Variants in KRT80 observed in about 807,000 individuals in gnomAD.
KRT80 encodes keratin, type II cytoskeletal 80.
A neutral mutation model predicts 51.5 loss-of-function variants in KRT80; 36 were observed. The observed-to-expected ratio is 0.70, with a 90% CI of 0.54 to 0.92. KRT80 has a LOEUF of 0.92. Ranked by LOEUF, KRT80 falls within the 40% of genes least tolerant of loss-of-function variation. The probability of loss-of-function intolerance (pLI) is 0.00; values close to 1 mark genes in which losing one functional copy is unlikely to be tolerated. For synonymous variants in KRT80, 235 were observed against 248.3 expected (o/e 0.95, Z 0.50); for missense variants, 566 against 591.7 (o/e 0.96, Z 0.45).
chr12:52,184,016 C>T (rs1324817510), intron 2 of KRT80, among the ~76,000 whole-genome samples: 5 of 89,738 alleles, frequency 5.6e-5, no homozygotes, highest in South Asian at 5.0e-4. Context: ...TCCGGAGGGG[C>T]GGTCAGATGC....
intron 4 of KRT80, among the ~76,000 whole-genome samples, chr12:52,179,735 G>T (rs956511697): frequency 1.3e-5 from 2 of 152,274 alleles, no homozygotes; most frequent in Admixed American, 1.3e-4. Context: ...GCAGTGTGCA[G>T]CACTTAGGCG....
rs1179768701 is a variant in KRT80, at chr12:52,170,984, C to A, written c.*414G>T. ...GGATGAGCCAGTCCCAGTCCCAGTT[C>A]CGAGGCAGAGACAAGGCAAGGCTTG... On this transcript the variant is annotated 3_prime_UTR_variant, in exon 9 of 9. Coordinates refer to ENST00000394815, the MANE Select transcript of KRT80 (RefSeq NM_182507.3). The A allele has an allele frequency of 6.0e-6, 1 of 165,654 alleles. No homozygotes were observed. The highest frequency in any genetic ancestry group is 1.3e-5 in the Non-Finnish European group (1 of 75,596). The allele number at this position is 165,654 out of a possible 1,614,324, so 10.3% of individuals were successfully genotyped here. A position where few individuals can be genotyped will look rare whatever the true frequency, so the allele number is the denominator to read the frequency against.
intron 1 of KRT80, 162 bp from the exon 2 acceptor site, chr12:52,185,749 T>C: frequency 7.0e-7 from 1 of 1,423,396 alleles, no homozygotes; most frequent in Non-Finnish European, 9.4e-7. Flanking sequence ...CTCCAATGAC[T>C]GATTGTTAAA....
At chr12:52,184,407 C>T (rs960388626) in intron 2 of KRT80, among the ~76,000 whole-genome samples, 5 of 152,182 alleles carry the variant, frequency 3.3e-5, no homozygotes, top group African/African-American at 9.7e-5. Flanking sequence ...CTAAGCAGCC[C>T]GAGTGACCAG....
chr12:52,175,657 G>T (rs540769995), intron 4 of KRT80, among the ~76,000 whole-genome samples: 1 of 152,214 alleles, frequency 6.6e-6, no homozygotes, highest in African/African-American at 2.4e-5. Flanking sequence ...AGCCCCTCTG[G>T]GGGACAGCCT....
chr12:52,180,858 A>C (rs750455080), intron 3 of KRT80, 45 bp downstream of exon 3: 2 of 1,610,198 alleles, frequency 1.2e-6, no homozygotes, highest in African/African-American at 2.7e-5. Flanking sequence ...AAGAGGGCCC[A>C]GGGCCCATGA....
chr12:52,171,395 G>A lies in KRT80; in HGVS notation c.*3C>T, dbSNP rs201045264. ...GCCCTGGGGTTCCTGGGGTCCAGCC[G>A]CCTTACTCTGAGACCTCCGACTCCT... On this transcript the variant is annotated 3_prime_UTR_variant, in exon 9 of 9. Coordinates refer to ENST00000394815, the MANE Select transcript of KRT80 (RefSeq NM_182507.3). 507 of 1,578,030 alleles carry A rather than the reference G, an allele frequency of 3.2e-4. 1 individual carries two copies. Among genetic ancestry groups the A allele is most frequent in the African/African-American group, 2.7e-3 (198 of 73,976 alleles).
Position 52,185,539 on chromosome 12 carries a change from A to C in KRT80, c.349T>G (p.Phe117Val). Residue 117 changes from phenylalanine to valine, a missense_variant, in exon 2 of 9, where the codon TTC (phenylalanine) becomes GTC (valine). Physicochemically the swap from Phe to Val is conservative, Grantham distance 50. Transcript: ENST00000394815. ...ATGGCTGAGTCCTGGCCCTGCAGGA[A>C]GCTCCAGCGTGTCTCCAGCAGCTGG... is the stretch of plus-strand genomic sequence containing the variant. Reference protein sequence around the residue: ...RNQLLETRWSFLQGQDSAIFD... With the variant: ...RNQLLETRWSVLQGQDSAIFD... 1 of 1,612,848 alleles carries C rather than the reference A, an allele frequency of 6.2e-7. No homozygotes were observed. The highest frequency in any genetic ancestry group is 1.1e-5 in the South Asian group (1 of 91,086).
Position 52,171,715 on chromosome 12 carries a change from T to C in KRT80, c.1179-2A>G. 1.8e-5 allele frequency: 2 copies of C among 113,106 alleles called. No individual in the cohort carries two copies. The highest frequency in any genetic ancestry group is 3.8e-4 in the East Asian group (1 of 2,620). 7.0% of individuals were successfully genotyped at this position (113,106 alleles called of 1,614,324 possible). ...ACAGTGGCTGAGGGCGAGTCCATCC[T>C]GGGGGTGGGGGACGGGGGGGTGGGA... On this transcript the variant is annotated splice_acceptor_variant, in intron 7 of 8. Coordinates refer to ENST00000394815, the MANE Select transcript of KRT80 (RefSeq NM_182507.3). LOFTEE classifies it high-confidence loss of function.
chr12:52,191,974 G>A lies in KRT80; in HGVS notation c.-72C>T. ...AGCCTGGGGTTGCGTCGGGTGGCAG[G>A]CTCTGGTTGCTCTGGTCACAGCTGG... On this transcript the variant is annotated 5_prime_UTR_variant, in exon 1 of 9. Transcript: ENST00000394815. 7.7e-7 allele frequency: 1 copy of A among 1,304,346 alleles called. No homozygotes were observed. Among genetic ancestry groups the A allele is most frequent in the Non-Finnish European group, 1.0e-6 (1 of 982,252 alleles). 80.8% of individuals were successfully genotyped at this position (1,304,346 alleles called of 1,614,324 possible).
Position 52,171,317 on chromosome 12 carries a change from G to C in KRT80, c.*81C>G. The stretch of plus-strand genomic sequence containing the variant: ...TTTTGCCTCTCTTCTCAACCTAGAG[G>C]CTCCAAGCTGCTTTCTTGAGTCTAG... On this transcript the variant is annotated 3_prime_UTR_variant, in exon 9 of 9. Coordinates refer to ENST00000394815, the MANE Select transcript of KRT80 (RefSeq NM_182507.3). 5 of 1,392,418 alleles carry C rather than the reference G, an allele frequency of 3.6e-6. No homozygotes were observed. Among genetic ancestry groups the C allele is most frequent in the Non-Finnish European group, 4.9e-6 (5 of 1,022,982 alleles). 86.3% of individuals were successfully genotyped at this position (1,392,418 alleles called of 1,614,324 possible). A position where few individuals can be genotyped will look rare whatever the true frequency, so the allele number is the denominator to read the frequency against.
In KRT80 at chr12:52,191,960, G is replaced by T; in HGVS notation, c.-58C>A. The T allele has an allele frequency of 7.2e-7, 1 of 1,395,874 alleles. No homozygotes were observed. Among genetic ancestry groups the T allele is most frequent in the South Asian group, 1.5e-5 (1 of 66,376 alleles). The allele number at this position is 1,395,874 out of a possible 1,614,324, so 86.5% of individuals were successfully genotyped here. A position where few individuals can be genotyped will look rare whatever the true frequency, so the allele number is the denominator to read the frequency against. On this transcript the variant is annotated 5_prime_UTR_variant, in exon 1 of 9. Transcript: ENST00000394815. Reference sequence around the variant, plus strand: ...GGGGTGAGCGAGTGAGCCTGGGGTTGCGTCGGGTGGCAGGCTCTGGTTGCT... The same window carrying T: ...GGGGTGAGCGAGTGAGCCTGGGGTTTCGTCGGGTGGCAGGCTCTGGTTGCT...
chr12:52,175,434 T>C (rs1389179826), intron 4 of KRT80, among the ~76,000 whole-genome samples: 8 of 152,238 alleles, frequency 5.3e-5, no homozygotes, highest in Admixed American at 2.0e-4. Context: ...TTCCTGACTC[T>C]GGGCGCCCTC....
chr12:52,179,766 A>G (rs997130357), intron 4 of KRT80, among the ~76,000 whole-genome samples: 2 of 152,192 alleles, frequency 1.3e-5, no homozygotes, highest in African/African-American at 2.4e-5. Flanking sequence ...GTTATCTCCA[A>G]CAGTGGTGCT....
intron 2 of KRT80, among the ~76,000 whole-genome samples, chr12:52,185,042 G>C (rs1941381322): frequency 6.6e-6 from 1 of 152,210 alleles, no homozygotes; most frequent in Admixed American, 6.5e-5. Context: ...ACAAGAGCAA[G>C]TGTGTCCATA....
chr12:52,187,278 C>G (rs111478331), intron 1 of KRT80, among the ~76,000 whole-genome samples: 1 of 152,226 alleles, frequency 6.6e-6, no homozygotes, highest in Non-Finnish European at 1.5e-5. Flanking sequence ...GGCCCAGGCT[C>G]CCAGAATCGT....
intron 2 of KRT80, among the ~76,000 whole-genome samples, chr12:52,184,026 C>A (rs1241624531): frequency 1.6e-5 from 1 of 62,784 alleles, no homozygotes; most frequent in Non-Finnish European, 4.6e-5. Context: ...CGGTCAGATG[C>A]CCTGTGTGTG....
chr12:52,191,584 A>G lies in KRT80; in HGVS notation c.300+19T>C, dbSNP rs1348316816. 6.5e-7 allele frequency: 1 copy of G among 1,542,336 alleles called. No homozygotes were observed. Among genetic ancestry groups the G allele is most frequent in the East Asian group, 2.3e-5 (1 of 43,810 alleles). On this transcript the variant is annotated intron_variant, in intron 1 of 8. Coordinates refer to ENST00000394815, the MANE Select transcript of KRT80 (RefSeq NM_182507.3). ...GGCCTGGCAGCCCTTCATGTTTGGG[A>G]CCCCCTACTTGTGCTCACCTTGCCA... is the stretch of plus-strand genomic sequence containing the variant.
In KRT80 at chr12:52,173,600, C is replaced by G; in HGVS notation, c.831G>C (p.Gln277His). Residue 277 changes from glutamine to histidine, a missense_variant and splice_region_variant, in exon 5 of 9, where the codon CAG becomes CAC. Transcript: ENST00000394815. ...TCGTGCCCTGTGTGGTCAGCCCCACCTGGCTCCGAGAGTATGCCTCGGCCT... is the reference window on the plus strand; with the variant it reads ...TCGTGCCCTGTGTGGTCAGCCCCACGTGGCTCCGAGAGTATGCCTCGGCCT... Reference protein sequence around the residue: ...LEEAEAYSRSQLEEQAARSAE... With the variant: ...LEEAEAYSRSHLEEQAARSAE... 6.2e-7 allele frequency: 1 copy of G among 1,612,334 alleles called. No homozygotes were observed. The highest frequency in any genetic ancestry group is 8.5e-7 in the Non-Finnish European group (1 of 1,179,888).
Sources: allele counts gnomAD v4.1 joint callset (sites outside exome capture counted in the v4.1 genomes callset), GRCh38; gene constraint gnomAD v4.1.1; transcripts MANE v1.5; gene names NCBI Gene and HGNC (gene_info 2026-07-23, HGNC 2026-07-21).